Variants in NEDD4L observed in about 807,000 individuals in gnomAD.
NEDD4L encodes the protein NEDD4 like E3 ubiquitin protein ligase, also known as E3 ubiquitin-protein ligase NEDD4-like.
In NEDD4L, 54 loss-of-function variants were observed where a neutral mutation model predicts 148.9. The ratio of observed to expected loss-of-function variants is 0.36; its 90% CI spans 0.29 to 0.45. The LOEUF is 0.45. Ranked by LOEUF, NEDD4L falls within the 20% of genes least tolerant of loss-of-function variation. The pLI is 1.00. For missense variants in NEDD4L, 856 were observed against 1,233.8 expected, an observed-to-expected ratio of 0.69 and a Z score of 4.59; for synonymous variants, 433 against 440.7, an observed-to-expected ratio of 0.98 and a Z score of 0.22.
intron 5 of NEDD4L, among the ~76,000 whole-genome samples, chr18:58,254,536 G>A (rs530568204): frequency 1.4e-5 from 2 of 142,448 alleles, no homozygotes; most frequent in Admixed American, 7.2e-5. Context: ...TTTCTTCTGT[G>A]TGGTATTTAA....
rs574311047 is a variant in NEDD4L, at chr18:58,382,638, C to T, written c.2353-608C>T. Among the ~76,000 whole-genome samples, 6 of 152,172 alleles carry T rather than the reference C, an allele frequency of 3.9e-5. No individual in the cohort carries two copies. The East Asian group carries it at 1.2e-3, about 29-fold the overall frequency. The stretch of plus-strand genomic sequence containing the variant: ...GGTCAGGGCATAGGAGAAAGGGCTG[C>T]CCTGATTGCAGCTGCTTTTTTCATG... On this transcript the variant is annotated intron_variant, in intron 24 of 30. Coordinates refer to ENST00000400345, the MANE Select transcript of NEDD4L (RefSeq NM_001144967.3).
At chr18:58,337,028 A>G (rs1373472928) in intron 13 of NEDD4L, among the ~76,000 whole-genome samples, 1 of 152,098 alleles carries the variant, frequency 6.6e-6, no homozygotes, top group Non-Finnish European at 1.5e-5. Flanking sequence ...GTGTTGTGGT[A>G]GCTGATGTAG....
chr18:58,152,679 T>C (rs556503925), intron 1 of NEDD4L, among the ~76,000 whole-genome samples: 90 of 152,216 alleles, frequency 5.9e-4, no homozygotes, highest in Non-Finnish European at 1.1e-3. Context: ...ATTCTGGAAG[T>C]CTGAAGTGGG....
At chr18:58,070,956 A>T (rs1054410684) in intron 1 of NEDD4L, among the ~76,000 whole-genome samples, 1 of 152,216 alleles carries the variant, frequency 6.6e-6, no homozygotes, top group Non-Finnish European at 1.5e-5. Flanking sequence ...GACACATTGT[A>T]TTAGATAAAA....
chr18:58,313,094 A>G (rs763076537), intron 5 of NEDD4L, among the ~76,000 whole-genome samples: 9 of 152,220 alleles, frequency 5.9e-5, no homozygotes, highest in Admixed American at 1.3e-4. Flanking sequence ...CACCAACTAC[A>G]TCTTCCATTG....
At chr18:58,279,330 A>G (rs1019446703) in intron 5 of NEDD4L, among the ~76,000 whole-genome samples, 2 of 152,238 alleles carry the variant, frequency 1.3e-5, no homozygotes, top group Admixed American at 6.5e-5. Flanking sequence ...TAGAAGTTCA[A>G]ACGAAGAAGA....
At chr18:58,361,858 G>A (rs2045530513) in intron 19 of NEDD4L, among the ~76,000 whole-genome samples, 1 of 150,694 alleles carries the variant, frequency 6.6e-6, no homozygotes, top group Non-Finnish European at 1.5e-5. Flanking sequence ...AGATTTTCAA[G>A]TGAGAACAAA....
At position 58,373,953 on chromosome 18, in the gene NEDD4L, G is replaced by T. The variant is rs114212996; in HGVS notation, c.2352+684G>T. 2.4e-3 allele frequency among the ~76,000 whole-genome samples: 361 copies of T among 152,326 alleles called. 3 individuals are homozygous for T. The highest frequency in any genetic ancestry group is 8.4e-3 in the African/African-American group (348 of 41,572). ...TCTGCCACTCAGTAATAATGATGCA[G>T]CTTGGGAGGTGTTCTCAATGTATTC... On this transcript the variant is annotated intron_variant, in intron 24 of 30. Transcript: ENST00000400345.
chr18:58,088,491 A>C (rs2083883838), intron 1 of NEDD4L, among the ~76,000 whole-genome samples: 1 of 152,170 alleles, frequency 6.6e-6, no homozygotes, highest in Non-Finnish European at 1.5e-5. Context: ...TGGGATTGCT[A>C]TTTTGTTACC....
At chr18:58,385,634 G>C (rs1419331878) in intron 26 of NEDD4L, 48 bp downstream of exon 26, 1 of 1,450,736 alleles carries the variant, frequency 6.9e-7, no homozygotes, top group East Asian at 2.3e-5. Flanking sequence ...CTGGTCCCGG[G>C]TCGATGGGGG....
intron 1 of NEDD4L, among the ~76,000 whole-genome samples, chr18:58,161,616 A>G (rs900596884): frequency 1.3e-5 from 2 of 151,944 alleles, no homozygotes; most frequent in Non-Finnish European, 2.9e-5. Flanking sequence ...TTTAAAAATG[A>G]GATTACATTG....
chr18:58,093,711 T>C (rs1238325401), intron 1 of NEDD4L, among the ~76,000 whole-genome samples: 1 of 152,220 alleles, frequency 6.6e-6, no homozygotes, highest in Non-Finnish European at 1.5e-5. Context: ...TGGTCAAATA[T>C]TGCACAATTT....
intron 2 of NEDD4L, among the ~76,000 whole-genome samples, chr18:58,243,957 C>T (rs759546158): frequency 6.6e-6 from 1 of 152,122 alleles, no homozygotes; most frequent in African/African-American, 2.4e-5. Context: ...TAAATACACA[C>T]GTGAACACAC....
intron 1 of NEDD4L, among the ~76,000 whole-genome samples, chr18:58,057,637 G>T (rs1204579272): frequency 9.2e-5 from 14 of 152,184 alleles, no homozygotes. Context: ...CAGCCTTACT[G>T]AGAATGTCTT....
intron 1 of NEDD4L, among the ~76,000 whole-genome samples, chr18:58,127,885 T>C (rs1192971654): frequency 6.6e-6 from 1 of 151,946 alleles, no homozygotes; most frequent in Non-Finnish European, 1.5e-5. Flanking sequence ...TATTTATTAT[T>C]TATTTTTTTG....
intron 2 of NEDD4L, among the ~76,000 whole-genome samples, chr18:58,180,255 G>C (rs904316332): frequency 6.6e-6 from 1 of 152,126 alleles, no homozygotes; most frequent in Admixed American, 6.5e-5. Context: ...CTCCCTCTTT[G>C]CACAAGTGCC....
chr18:58,064,870 G>A (rs908005731), intron 1 of NEDD4L, among the ~76,000 whole-genome samples: 4 of 152,154 alleles, frequency 2.6e-5, no homozygotes, highest in African/African-American at 9.7e-5. Context: ...ACTTTGGGAG[G>A]CGAAAGGATT....
chr18:58,081,889 C>T (rs1417921524), intron 1 of NEDD4L, among the ~76,000 whole-genome samples: 2 of 151,758 alleles, frequency 1.3e-5, no homozygotes, highest in Admixed American at 1.3e-4. Context: ...CTCAATGACA[C>T]CATCCTAATA....
chr18:58,378,466 C>T (rs966712811), intron 24 of NEDD4L, among the ~76,000 whole-genome samples: 2 of 152,218 alleles, frequency 1.3e-5, no homozygotes, highest in African/African-American at 4.8e-5. Flanking sequence ...GAGCCCGGAG[C>T]TGGAGGTGGC....
Sources: gnomAD v4.1 joint callset for allele counts (sites outside exome capture counted in the v4.1 genomes callset) on GRCh38, gnomAD v4.1.1 for gene constraint, MANE v1.5 for transcripts, NCBI Gene and HGNC (gene_info 2026-07-23, HGNC 2026-07-21) for gene names.